The following ACTR3C variants were observed in gnomAD, a reference collection of about 807,000 sequenced individuals.
ACTR3C encodes the protein actin-related protein 3C.
A neutral mutation model predicts 26.3 loss-of-function variants in ACTR3C; 18 were observed. That is an observed-to-expected ratio of 0.68 (90% CI 0.47 to 1.01). ACTR3C has a LOEUF of 1.01. ACTR3C is among the 50% of genes least tolerant of loss of function. The pLI, the probability that ACTR3C is intolerant of heterozygous loss-of-function variation, is 0.00. For missense variants in ACTR3C, 184 were observed against 250.7 expected (o/e 0.73, Z 1.80); for synonymous variants, 55 against 94.5 (o/e 0.58, Z 2.42).
chr7:150,166,712 T>C, the ACTR3C span, among the ~76,000 whole-genome samples: 1 of 150,122 alleles, frequency 6.7e-6, no homozygotes, highest in Non-Finnish European at 1.5e-5. Flanking sequence ...AAAAAAAGTT[T>C]TGTTAACTGT....
chr7:150,050,139 A>G, the ACTR3C span, among the ~76,000 whole-genome samples: 1 of 152,160 alleles, frequency 6.6e-6, no homozygotes, highest in Non-Finnish European at 1.5e-5. Context: ...CATGAAAGAA[A>G]GCTCATGCTA....
the ACTR3C span, among the ~76,000 whole-genome samples, chr7:149,966,637 A>G: frequency 6.6e-6 from 1 of 152,178 alleles, no homozygotes; most frequent in Non-Finnish European, 1.5e-5. Flanking sequence ...AACTCACTAG[A>G]TGCCAGGTCT....
chr7:149,904,417 C>CAGT, the ACTR3C span, among the ~76,000 whole-genome samples: 2 of 151,300 alleles, frequency 1.3e-5, no homozygotes, highest in African/African-American at 4.8e-5. Context: ...GTAGTCCCAA[C>CAGT]TACTCGGGAG....
intron 6 of ACTR3C, among the ~76,000 whole-genome samples, chr7:150,255,243 T>C (rs1360085041): frequency 2.4e-5 from 1 of 41,642 alleles, no homozygotes; most frequent in Non-Finnish European, 4.0e-5. Flanking sequence ...TTGTAGGGGA[T>C]TTTTTTTTTT....
chr7:150,041,761 G>C, the ACTR3C span, among the ~76,000 whole-genome samples: 209 of 134,856 alleles, frequency 1.5e-3, no homozygotes, highest in East Asian at 8.0e-3. Context: ...GGGGGGGGAA[G>C]AGGGACTGGC....
At chr7:149,906,620 T>C in the ACTR3C span, among the ~76,000 whole-genome samples, 1 of 148,378 alleles carries the variant, frequency 6.7e-6, no homozygotes, top group African/African-American at 2.5e-5. Flanking sequence ...TTAGTAGAGA[T>C]GGGGTGTTGC....
intron 1 of ACTR3C, among the ~76,000 whole-genome samples, chr7:150,307,987 G>A (rs192147333): frequency 2.6e-3 from 398 of 152,220 alleles, no homozygotes; most frequent in Admixed American, 4.6e-3. Context: ...GAGAAGACAC[G>A]TTTTATCTGT....
At chr7:150,042,114 T>TC in the ACTR3C span, among the ~76,000 whole-genome samples, 1 of 27,970 alleles carries the variant, frequency 3.6e-5, no homozygotes, top group Admixed American at 3.6e-4. Context: ...GCCTCCCCCC[T>TC]CTGCGATGGG....
At chr7:150,049,934 G>C in the ACTR3C span, among the ~76,000 whole-genome samples, 20 of 152,338 alleles carry the variant, frequency 1.3e-4, no homozygotes, top group African/African-American at 4.8e-4. Context: ...TGCTGCATGG[G>C]AGAGGCCAGG....
chr7:150,294,880 G>C (rs1283584516), intron 2 of ACTR3C, among the ~76,000 whole-genome samples: 1 of 151,268 alleles, frequency 6.6e-6, no homozygotes, highest in African/African-American at 2.4e-5. Context: ...AGTACACTGG[G>C]ACTCATAAGA....
At chr7:150,099,442 TCA>T in the ACTR3C span, among the ~76,000 whole-genome samples, 1 of 151,332 alleles carries the variant, frequency 6.6e-6, no homozygotes, top group African/African-American at 2.4e-5. Context: ...CTGAGAAAGG[TCA>T]CAGTGTTCTC....
At chr7:150,180,389 G>A in the ACTR3C span, among the ~76,000 whole-genome samples, 3 of 150,586 alleles carry the variant, frequency 2.0e-5, no homozygotes, top group Non-Finnish European at 4.4e-5. Context: ...TTTCTAGAAT[G>A]TTTGCCATTT....
the ACTR3C span, among the ~76,000 whole-genome samples, chr7:150,029,065 A>G: frequency 0.14 from 21,732 of 150,752 alleles, 903 homozygotes; most frequent in East Asian, 0.25. Flanking sequence ...TACTCCAAGA[A>G]TCAACAATAG....
the ACTR3C span, among the ~76,000 whole-genome samples, chr7:149,939,949 C>T: frequency 1.5e-5 from 2 of 135,386 alleles, no homozygotes; most frequent in Non-Finnish European, 3.3e-5. Context: ...ACCTGTTCTT[C>T]CCCACCAGGG....
chr7:150,166,984 T>C, the ACTR3C span, among the ~76,000 whole-genome samples: 23 of 148,314 alleles, frequency 1.6e-4, no homozygotes. Context: ...GACAGGATTT[T>C]ATTGTATTTT....
chr7:150,172,934 G>A, the ACTR3C span, among the ~76,000 whole-genome samples: 20,694 of 149,324 alleles, frequency 0.14, 2,955 homozygotes, highest in African/African-American at 0.31. Flanking sequence ...GATGCAAGAG[G>A]TGGGTTCCCA....
chr7:150,038,079 G>A, the ACTR3C span, among the ~76,000 whole-genome samples: 2 of 140,204 alleles, frequency 1.4e-5, no homozygotes, highest in Non-Finnish European at 3.2e-5. Context: ...CACCTCGCGG[G>A]GGGTGCCTCC....
At chr7:150,053,748 G>T in the ACTR3C span, among the ~76,000 whole-genome samples, 742 of 152,328 alleles carry the variant, frequency 4.9e-3, 2 homozygotes, top group African/African-American at 0.017. Context: ...ACGTAAATTG[G>T]TACTCTCCTG....
At chr7:150,119,384 T>TGGA in the ACTR3C span, among the ~76,000 whole-genome samples, 2 of 152,012 alleles carry the variant, frequency 1.3e-5, no homozygotes, top group African/African-American at 4.8e-5. Context: ...AATAAAGGGA[T>TGGA]GGAGGAAAAT....
Sources: gnomAD v4.1 joint callset for allele counts (sites outside exome capture counted in the v4.1 genomes callset) on GRCh38, gnomAD v4.1.1 for gene constraint, MANE v1.5 for transcripts, NCBI Gene and HGNC (gene_info 2026-07-23, HGNC 2026-07-21) for gene names.